SNX29: variants seen among roughly 807,000 people sequenced by gnomAD.
SNX29 encodes the protein sorting nexin-29.
In SNX29, 78 loss-of-function variants were observed where a neutral mutation model predicts 102.1. The ratio of observed to expected loss-of-function variants is 0.76; its 90% CI spans 0.64 to 0.92. The LOEUF (loss-of-function observed/expected upper bound fraction) is 0.92. Among genes scored for constraint, SNX29 ranks in the 40% least tolerant of loss-of-function variants. The pLI, the probability that SNX29 is intolerant of heterozygous loss-of-function variation, is 0.00. For synonymous variants in SNX29, 580 were observed against 414.5 expected (o/e 1.40, Z -4.85); for missense variants, 1,280 against 1,061.7 (o/e 1.21, Z -2.86).
chr16:12,566,220 G>C (rs1287184026), intron 20 of SNX29, among the ~76,000 whole-genome samples: 1 of 152,210 alleles, frequency 6.6e-6, no homozygotes, highest in African/African-American at 2.4e-5. Flanking sequence ...ATATGCTTAT[G>C]GTTGTCATCC....
At chr16:12,327,051 G>A (rs1041576831) in intron 15 of SNX29, among the ~76,000 whole-genome samples, 2 of 152,210 alleles carry the variant, frequency 1.3e-5, no homozygotes, top group Non-Finnish European at 2.9e-5. Context: ...AGAATCGGAG[G>A]TGTCATCCTA....
At chr16:12,406,101 A>G (rs567630171) in intron 18 of SNX29, among the ~76,000 whole-genome samples, 85 of 152,354 alleles carry the variant, frequency 5.6e-4, no homozygotes, top group African/African-American at 2.0e-3. Flanking sequence ...GAAACGTCTA[A>G]AAAAGAATGA....
intron 18 of SNX29, among the ~76,000 whole-genome samples, chr16:12,431,051 C>G (rs1038999237): frequency 6.6e-6 from 1 of 152,102 alleles, no homozygotes; most frequent in Admixed American, 6.6e-5. Flanking sequence ...GGAGTTTCAC[C>G]GTGTTGGTCA....
intron 14 of SNX29, among the ~76,000 whole-genome samples, chr16:12,245,872 G>C (rs1222482603): frequency 1.3e-5 from 2 of 152,138 alleles, no homozygotes; most frequent in African/African-American, 4.8e-5. Flanking sequence ...GAAGGCACTG[G>C]GGCTGCAGGT....
At chr16:12,331,764 C>G (rs1282693911) in intron 15 of SNX29, among the ~76,000 whole-genome samples, 1 of 152,184 alleles carries the variant, frequency 6.6e-6, no homozygotes, top group African/African-American at 2.4e-5. Flanking sequence ...GTTGGCCAGG[C>G]TGGTCTTGAA....
intron 3 of SNX29, among the ~76,000 whole-genome samples, chr16:12,026,920 A>G (rs1596630506): frequency 6.6e-6 from 1 of 152,198 alleles, no homozygotes; most frequent in Non-Finnish European, 1.5e-5. Context: ...CTTAAACTAC[A>G]TGTAATATGA....
chr16:12,261,990 A>T (rs113315827), intron 14 of SNX29, among the ~76,000 whole-genome samples: 2 of 63,132 alleles, frequency 3.2e-5, no homozygotes, highest in South Asian at 6.3e-4. Context: ...GTCTGTGTGC[A>T]CGTCCCCGGC....
At chr16:12,546,113 G>T (rs1353245698) in intron 20 of SNX29, among the ~76,000 whole-genome samples, 1 of 152,162 alleles carries the variant, frequency 6.6e-6, no homozygotes, top group Non-Finnish European at 1.5e-5. Context: ...TTTGGACAAT[G>T]TATTCTCCCC....
chr16:12,180,488 C>G (rs2076356977), intron 13 of SNX29, among the ~76,000 whole-genome samples: 1 of 151,124 alleles, frequency 6.6e-6, no homozygotes, highest in African/African-American at 2.4e-5. Flanking sequence ...GCTTCTCTGT[C>G]TCTTTTTTTT....
At chr16:12,114,648 A>G (rs1450894500) in intron 11 of SNX29, among the ~76,000 whole-genome samples, 1 of 150,728 alleles carries the variant, frequency 6.6e-6, no homozygotes, top group Non-Finnish European at 1.5e-5. Flanking sequence ...GTGCAGTGGC[A>G]TGATCTCAGC....
chr16:12,390,149 G>GGTAGGGGT (rs2083474026), intron 16 of SNX29, among the ~76,000 whole-genome samples: 1 of 145,588 alleles, frequency 6.9e-6, no homozygotes, highest in Non-Finnish European at 1.5e-5. Context: ...GCAATTGAGG[G>GGTAGGGGT]GTGTGTGTGT....
intron 8 of SNX29, among the ~76,000 whole-genome samples, chr16:12,059,263 G>C (rs73515670): frequency 6.6e-6 from 1 of 152,190 alleles, no homozygotes; most frequent in South Asian, 2.1e-4. Flanking sequence ...AGGACTGTCT[G>C]CTTTTGCTGC....
chr16:12,094,056 C>A (rs1450402177), intron 11 of SNX29, among the ~76,000 whole-genome samples: 1 of 152,162 alleles, frequency 6.6e-6, no homozygotes, highest in South Asian at 2.1e-4. Context: ...TTACGCACAT[C>A]CCTACATGTA....
chr16:12,304,536 C>T (rs2080280237), intron 15 of SNX29, among the ~76,000 whole-genome samples: 1 of 152,154 alleles, frequency 6.6e-6, no homozygotes, highest in Admixed American at 6.5e-5. Flanking sequence ...AAATCTTTGT[C>T]CTTTTCTGGC....
At chr16:12,549,304 G>A (rs915975564) in intron 20 of SNX29, among the ~76,000 whole-genome samples, 12 of 152,102 alleles carry the variant, frequency 7.9e-5, no homozygotes, top group Admixed American at 1.3e-4. Context: ...AAACCAGCCT[G>A]GTCAATATGA....
intron 18 of SNX29, among the ~76,000 whole-genome samples, chr16:12,473,547 T>G (rs151260097): frequency 2.1e-3 from 315 of 152,262 alleles, no homozygotes; most frequent in Middle Eastern, 3.4e-3. Flanking sequence ...TCAGAGGTGT[T>G]TGAACCAGAG....
At chr16:12,228,218 G>A (rs1320911180) in intron 14 of SNX29, among the ~76,000 whole-genome samples, 3 of 152,228 alleles carry the variant, frequency 2.0e-5, no homozygotes, top group Admixed American at 6.5e-5. Context: ...AAATGTTCTC[G>A]GTCTCTGTAG....
At chr16:12,399,957 A>G (rs2083877253) in intron 17 of SNX29, among the ~76,000 whole-genome samples, 1 of 152,038 alleles carries the variant, frequency 6.6e-6, no homozygotes, top group Non-Finnish European at 1.5e-5. Context: ...GGCTGGAAGC[A>G]CTCATTATTA....
chr16:12,557,020 C>CG (rs2078407409), intron 20 of SNX29, among the ~76,000 whole-genome samples: 1 of 37,206 alleles, frequency 2.7e-5, no homozygotes, highest in Non-Finnish European at 7.4e-5. Flanking sequence ...AATTTACCCC[C>CG]CCCCCGCCCC....
Sources: gnomAD v4.1 joint callset for allele counts (sites outside exome capture counted in the v4.1 genomes callset) on GRCh38, gnomAD v4.1.1 for gene constraint, MANE v1.5 for transcripts, NCBI Gene and HGNC (gene_info 2026-07-23, HGNC 2026-07-21) for gene names.